Variants in MILR1 observed in about 807,000 individuals in gnomAD.
MILR1 encodes the protein allergin-1.
In MILR1, 31 loss-of-function variants were observed where a neutral mutation model predicts 18.5. That is an observed-to-expected ratio of 1.68 (90% CI 1.26 to 2.26). The LOEUF (loss-of-function observed/expected upper bound fraction) is 2.26, where lower values mean the gene tolerates loss of function less well. MILR1 is among the 30% of genes most tolerant of loss of function. The pLI is 0.00. For synonymous variants in MILR1, 85 were observed against 56.2 expected (o/e 1.51, Z -2.30); for missense variants, 257 against 157.4 (o/e 1.63, Z -3.38).
intron 2 of MILR1, among the ~76,000 whole-genome samples, chr17:64,451,429 C>T (rs1470058328): frequency 7.9e-5 from 12 of 152,062 alleles, no homozygotes; most frequent in Non-Finnish European, 1.6e-4. Flanking sequence ...GCATGAGCCA[C>T]CATGCCTGGC....
the MILR1 span, chr17:64,492,693 G>A: frequency 1.4e-5 from 23 of 1,609,904 alleles, no homozygotes; most frequent in South Asian, 2.2e-5. Context: ...AGTCGATGAC[G>A]TAACCAGAAA....
chr17:64,454,486 A>T (rs1419835398), intron 3 of MILR1, among the ~76,000 whole-genome samples: 3 of 152,236 alleles, frequency 2.0e-5, no homozygotes, highest in African/African-American at 7.2e-5. Flanking sequence ...GGTGGCTGCC[A>T]CATTGGACAA....
At chr17:64,483,411 C>T in the MILR1 span, among the ~76,000 whole-genome samples, 4 of 151,374 alleles carry the variant, frequency 2.6e-5, no homozygotes, top group East Asian at 1.9e-4. Context: ...GCTACTCAGG[C>T]GGCTGAGGTG....
chr17:64,454,176 A>G (rs960356406), intron 3 of MILR1, among the ~76,000 whole-genome samples: 27 of 151,258 alleles, frequency 1.8e-4, no homozygotes, highest in African/African-American at 6.6e-4. Context: ...TGATCCACCC[A>G]CCTCAGCCTC....
chr17:64,450,386 T>C (rs1223896816), intron 2 of MILR1, among the ~76,000 whole-genome samples: 3 of 152,186 alleles, frequency 2.0e-5, no homozygotes, highest in Non-Finnish European at 2.9e-5. Flanking sequence ...CTGTATAAAA[T>C]GTAAAAGTTC....
At chr17:64,491,868 G>A in the MILR1 span, 6 of 258,972 alleles carry the variant, frequency 2.3e-5, no homozygotes, top group Non-Finnish European at 2.9e-5. Flanking sequence ...GATTGTTGCT[G>A]AATCCTTTCA....
chr17:64,493,708 G>C, the MILR1 span, among the ~76,000 whole-genome samples: 1 of 151,958 alleles, frequency 6.6e-6, no homozygotes, highest in Non-Finnish European at 1.5e-5. Context: ...GGTTGGTCTC[G>C]ATCTCCTGAC....
chr17:64,487,059 C>T, the MILR1 span: 2 of 151,894 alleles, frequency 1.3e-5, no homozygotes, highest in African/African-American at 4.8e-5. Context: ...ACTTAAATAA[C>T]CACCTTTAGC....
the MILR1 span, among the ~76,000 whole-genome samples, chr17:64,478,155 A>C: frequency 6.6e-6 from 1 of 152,242 alleles, no homozygotes; most frequent in African/African-American, 2.4e-5. Context: ...AATTGTATTT[A>C]AAGTAATATT....
chr17:64,463,051 A>T (rs903475721), intron 5 of MILR1, among the ~76,000 whole-genome samples: 3 of 152,216 alleles, frequency 2.0e-5, no homozygotes, highest in Non-Finnish European at 4.4e-5. Flanking sequence ...ACTTTATTAA[A>T]CACACCAGAC....
At chr17:64,497,088 G>C in the MILR1 span, 36 of 1,060,502 alleles carry the variant, frequency 3.4e-5, no homozygotes, top group Admixed American at 7.8e-5. Flanking sequence ...GAGCGTGCTT[G>C]CGGGCGGCAG....
intron 2 of MILR1, among the ~76,000 whole-genome samples, chr17:64,449,949 T>TC (rs1205860289): frequency 1.3e-4 from 20 of 149,492 alleles, no homozygotes; most frequent in Middle Eastern, 6.8e-3. Context: ...TTTCTTTCTT[T>TC]TTTTTTTTGA....
chr17:64,458,534 C>A (rs2037353302), intron 4 of MILR1, among the ~76,000 whole-genome samples: 1 of 151,502 alleles, frequency 6.6e-6, no homozygotes, highest in Admixed American at 6.6e-5. Context: ...ATTTCTAATA[C>A]CATGCCCTCC....
the MILR1 span, chr17:64,497,185 T>A: frequency 4.8e-6 from 3 of 620,092 alleles, no homozygotes; most frequent in Non-Finnish European, 8.6e-6. Flanking sequence ...GGTTCTCTGC[T>A]AGCTTGCCGT....
chr17:64,493,803 A>G, the MILR1 span, among the ~76,000 whole-genome samples: 2 of 152,196 alleles, frequency 1.3e-5, no homozygotes, highest in South Asian at 4.1e-4. Context: ...TCAAATCTAT[A>G]AGAAAGTTGA....
chr17:64,478,112 G>C, the MILR1 span: 1 of 942,816 alleles, frequency 1.1e-6, no homozygotes, highest in Admixed American at 2.6e-5. Flanking sequence ...CTTAAGGGTG[G>C]ACCAAAAAAA....
chr17:64,492,922 G>C, the MILR1 span: 2 of 1,614,024 alleles, frequency 1.2e-6, no homozygotes, highest in East Asian at 4.5e-5. Flanking sequence ...TATCTGCTTA[G>C]TGTCAAAAAC....
the MILR1 span, among the ~76,000 whole-genome samples, chr17:64,484,555 GGGA>G: frequency 6.6e-6 from 1 of 152,162 alleles, no homozygotes; most frequent in African/African-American, 2.4e-5. Context: ...ACTCTATCAG[GGGA>G]GGAGGAGTGG....
intron 4 of MILR1, among the ~76,000 whole-genome samples, chr17:64,459,316 C>T (rs1356471833): frequency 1.3e-5 from 2 of 152,036 alleles, no homozygotes; most frequent in Admixed American, 6.6e-5. Context: ...TGCCTGTGGT[C>T]TCAGCTACTC....
Sources: gnomAD v4.1 joint callset for allele counts (sites outside exome capture counted in the v4.1 genomes callset) on GRCh38, gnomAD v4.1.1 for gene constraint, MANE v1.5 for transcripts, NCBI Gene and HGNC (gene_info 2026-07-23, HGNC 2026-07-21) for gene names.